Variants in NHS observed in about 807,000 individuals in gnomAD.
NHS encodes NHS actin remodeling regulator.
NHS carries 5 observed loss-of-function variants against 72.5 expected under a neutral mutation model. That is an observed-to-expected ratio of 0.07 (90% CI 0.04 to 0.14). NHS has a LOEUF of 0.14. Among genes scored for constraint, NHS ranks in the 10% least tolerant of loss-of-function variants. The probability of loss-of-function intolerance (pLI) is 1.00; values close to 1 mark genes in which losing one functional copy is unlikely to be tolerated. For missense variants in NHS, 1,072 were observed against 1,355.7 expected (o/e 0.79, Z 3.29); for synonymous variants, 464 against 547.7 (o/e 0.85, Z 2.13).
intron 2 of NHS, 147 bp downstream of exon 2, chrX:17,688,041 C>T: frequency 1.6e-6 from 1 of 618,233 alleles, no homozygotes. Flanking sequence ...AAATGAAATC[C>T]ATGGGTAATA....
intron 1 of NHS, among the ~76,000 whole-genome samples, chrX:17,539,625 C>T: frequency 9.0e-6 from 1 of 111,227 alleles, no homozygotes; most frequent in Non-Finnish European, 1.9e-5. Context: ...TTGAAGCATC[C>T]CCAGGGAAGT....
At chrX:17,659,454 A>G (rs1380090109) in intron 1 of NHS, among the ~76,000 whole-genome samples, 2 of 112,085 alleles carry the variant, frequency 1.8e-5, no homozygotes, top group East Asian at 5.6e-4. Context: ...AGGCAAGGTC[A>G]TTATCATTTT....
chrX:17,455,339 A>C (rs921301665), intron 1 of NHS, among the ~76,000 whole-genome samples: 2 of 111,927 alleles, frequency 1.8e-5, no homozygotes, highest in Non-Finnish European at 3.8e-5. Flanking sequence ...CCTCATCATC[A>C]TGGTCATTAA....
At chrX:17,569,059 C>A (rs2065461307) in intron 1 of NHS, among the ~76,000 whole-genome samples, 1 of 111,735 alleles carries the variant, frequency 8.9e-6, no homozygotes, top group African/African-American at 3.3e-5. Flanking sequence ...TTAATCCAGT[C>A]TATCATTGAT....
intron 1 of NHS, among the ~76,000 whole-genome samples, chrX:17,511,373 G>A (rs915632606): frequency 1.8e-5 from 2 of 111,797 alleles, no homozygotes; most frequent in South Asian, 7.5e-4. Flanking sequence ...CTGTCACATA[G>A]TATAGGAACT....
chrX:17,420,700 T>C (rs2064618773), intron 1 of NHS, among the ~76,000 whole-genome samples: 2 of 112,105 alleles, frequency 1.8e-5, no homozygotes, highest in African/African-American at 6.5e-5. Context: ...TCCTGTCTTC[T>C]TAAAGCTCAA....
intron 1 of NHS, among the ~76,000 whole-genome samples, chrX:17,447,785 GCA>G (rs58710651): frequency 0.34 from 30,062 of 89,098 alleles, 3,693 homozygotes; most frequent in Middle Eastern, 0.43. Flanking sequence ...ACACACACAC[GCA>G]CACACACACA....
chrX:17,601,050 G>A (rs773570809), intron 1 of NHS, among the ~76,000 whole-genome samples: 3 of 112,067 alleles, frequency 2.7e-5, no homozygotes, highest in South Asian at 7.5e-4. Context: ...GTAAGTCACC[G>A]ATAAATTCTC....
rs993840860 is a variant in NHS, at chrX:17,492,392, C to T, written c.565+116070C>T. Reference sequence around the variant, plus strand: ...ATTTCTGCCTTAATTTCGTTATTTACCTGTTAGTCATTCAGGAGCAGGTTG... The same window carrying T: ...ATTTCTGCCTTAATTTCGTTATTTATCTGTTAGTCATTCAGGAGCAGGTTG... On this transcript the variant is annotated intron_variant, in intron 1 of 8. Coordinates refer to ENST00000676302, the MANE Select transcript of NHS (RefSeq NM_001291867.2). Among the ~76,000 whole-genome samples the T allele has an allele frequency of 2.7e-5, 3 of 112,065 alleles. 1 individual carries two copies. In the East Asian group the frequency reaches 8.4e-4, roughly 31 times the overall value.
At chrX:17,720,188 G>A (rs750310646) in intron 4 of NHS, among the ~76,000 whole-genome samples, 1 of 111,184 alleles carries the variant, frequency 9.0e-6, no homozygotes, top group South Asian at 3.8e-4. Context: ...TATCCTGTTG[G>A]GTGTGTTGGG....
intron 1 of NHS, among the ~76,000 whole-genome samples, chrX:17,474,306 T>TTA (rs2064904866): frequency 8.9e-6 from 1 of 112,445 alleles, no homozygotes; most frequent in Non-Finnish European, 1.9e-5. Flanking sequence ...ATATAAGTCT[T>TTA]TATATCCTGA....
intron 1 of NHS, among the ~76,000 whole-genome samples, chrX:17,602,889 G>A (rs1435914637): frequency 4.9e-5 from 5 of 101,770 alleles, no homozygotes; most frequent in Non-Finnish European, 9.9e-5. Context: ...CACCCAGGCT[G>A]GAATGCAGTG....
At chrX:17,711,852 T>C (rs986925443) in intron 3 of NHS, among the ~76,000 whole-genome samples, 2 of 112,025 alleles carry the variant, frequency 1.8e-5, no homozygotes, top group Non-Finnish European at 3.8e-5. Context: ...CATTCTGCTG[T>C]TGGGAGATAG....
intron 1 of NHS, among the ~76,000 whole-genome samples, chrX:17,619,480 A>G (rs1395619393): frequency 1.8e-5 from 2 of 112,474 alleles, no homozygotes; most frequent in South Asian, 7.3e-4. Context: ...TACACATTCT[A>G]CAAGTTTCAG....
At chrX:17,495,083 T>C (rs1159038242) in intron 1 of NHS, among the ~76,000 whole-genome samples, 5 of 112,052 alleles carry the variant, frequency 4.5e-5, no homozygotes, top group Non-Finnish European at 9.4e-5. Context: ...GAACTGAAGC[T>C]TTTTAATGCT....
intron 1 of NHS, among the ~76,000 whole-genome samples, chrX:17,555,084 A>G (rs1186382523): frequency 2.7e-5 from 3 of 110,490 alleles, no homozygotes; most frequent in Non-Finnish European, 3.8e-5. Context: ...GCTGTTTTCT[A>G]AGGGACAGTG....
chrX:17,430,320 C>CT (rs2064687443), intron 1 of NHS, among the ~76,000 whole-genome samples: 4 of 75,031 alleles, frequency 5.3e-5, no homozygotes, highest in African/African-American at 2.4e-4. Context: ...TCTTTCCTTT[C>CT]TTTCTTTCTT....
At chrX:17,378,662 C>T (rs1401736594) in intron 1 of NHS, among the ~76,000 whole-genome samples, 1 of 112,105 alleles carries the variant, frequency 8.9e-6, no homozygotes, top group Non-Finnish European at 1.9e-5. Context: ...AGAGGAAAGC[C>T]AGTACACCAT....
chrX:17,461,472 G>A (rs1601716629), intron 1 of NHS, among the ~76,000 whole-genome samples: 2 of 112,653 alleles, frequency 1.8e-5, no homozygotes, highest in African/African-American at 6.4e-5. Flanking sequence ...CTCTTAAGCT[G>A]TTTTTAATAG....
Sources: gnomAD v4.1 joint callset for allele counts (sites outside exome capture counted in the v4.1 genomes callset) on GRCh38, gnomAD v4.1.1 for gene constraint, MANE v1.5 for transcripts, NCBI Gene and HGNC (gene_info 2026-07-23, HGNC 2026-07-21) for gene names.